Variants in ADAMTS17 observed in about 807,000 individuals in gnomAD.
ADAMTS17 encodes the protein A disintegrin and metalloproteinase with thrombospondin motifs 17.
Under a neutral mutation model 141.5 loss-of-function variants are expected in ADAMTS17, and 113 were observed. The observed-to-expected ratio is 0.80, with a 90% CI of 0.69 to 0.93. ADAMTS17 has a LOEUF of 0.93. Among genes scored for constraint, ADAMTS17 ranks in the 40% least tolerant of loss-of-function variants. ADAMTS17 has a pLI of 0.00. For missense variants in ADAMTS17, 1,659 were observed against 1,517.9 expected, an observed-to-expected ratio of 1.09 and a Z score of -1.54; for synonymous variants, 768 against 630.6, an observed-to-expected ratio of 1.22 and a Z score of -3.27.
intron 3 of ADAMTS17, among the ~76,000 whole-genome samples, chr15:100,289,506 T>A (rs1323857972): frequency 6.6e-6 from 1 of 151,504 alleles, no homozygotes; most frequent in Non-Finnish European, 1.5e-5. Flanking sequence ...ATCATTCTGA[T>A]GCCAAAACCT....
At chr15:100,247,930 G>T (rs1036215124) in intron 7 of ADAMTS17, among the ~76,000 whole-genome samples, 1 of 152,136 alleles carries the variant, frequency 6.6e-6, no homozygotes, top group South Asian at 2.1e-4. Context: ...ACACCGGAAG[G>T]GCAGTGGGCA....
At chr15:100,261,938 T>A (rs1400713451) in intron 5 of ADAMTS17, among the ~76,000 whole-genome samples, 1 of 152,158 alleles carries the variant, frequency 6.6e-6, no homozygotes, top group African/African-American at 2.4e-5. Context: ...TGGTGGTGGC[T>A]TGACCCGGCA....
intron 14 of ADAMTS17, among the ~76,000 whole-genome samples, chr15:100,104,644 C>T (rs1275139468): frequency 1.3e-5 from 2 of 152,152 alleles, no homozygotes; most frequent in Admixed American, 6.5e-5. Flanking sequence ...AGGCAAACCA[C>T]GGCAATATTT....
chr15:100,024,344 C>T (rs1003837536), intron 18 of ADAMTS17, among the ~76,000 whole-genome samples: 2 of 152,242 alleles, frequency 1.3e-5, no homozygotes, highest in African/African-American at 4.8e-5. Flanking sequence ...AGTCCTCCCA[C>T]CTTGGCCTCC....
At chr15:100,205,656 T>C (rs2041515169) in intron 7 of ADAMTS17, among the ~76,000 whole-genome samples, 1 of 152,120 alleles carries the variant, frequency 6.6e-6, no homozygotes, top group South Asian at 2.1e-4. Flanking sequence ...CCTCAGGACA[T>C]CAGAGGAGCC....
Position 100,117,011 on chromosome 15 carries a change from G to A in ADAMTS17, c.1724C>T (p.Pro575Leu). ...FRQRKCDNPP[P>L]GPGGTHCPGA... The stretch of plus-strand genomic sequence containing the variant: ...CGGGCAGTGTGTGCCTCCAGGCCCA[G>A]GGCTAGAAGGAAGAAGAAGGTCTGT... The change falls in exon 13 of 22, where the codon CCT becomes CTT. Residue 575 changes from proline to leucine, a missense_variant and splice_region_variant. Coordinates refer to ENST00000268070, the MANE Select transcript of ADAMTS17 (RefSeq NM_139057.4). 1 of 1,608,250 alleles carries A rather than the reference G, an allele frequency of 6.2e-7. No individual in the cohort carries two copies.
chr15:100,200,220 G>A (rs914196547), intron 7 of ADAMTS17, among the ~76,000 whole-genome samples: 3 of 152,208 alleles, frequency 2.0e-5, no homozygotes, highest in East Asian at 1.9e-4. Flanking sequence ...AGTGGAGGCC[G>A]CATCCCAAGG....
rs144264617 is a variant in ADAMTS17 at position 99,993,822 on chromosome 15, C to A, written c.2797-622G>T. Among the ~76,000 whole-genome samples, 3 of 152,190 alleles carry A rather than the reference C, an allele frequency of 2.0e-5. No homozygotes were observed. Among genetic ancestry groups the A allele is most frequent in the African/African-American group, 4.8e-5 (2 of 41,508 alleles). ...CCAAGAATGGTGACAGACGCATGGCCCCTGTGGTAGTTTACTTACTTGCAG... is the reference window on the plus strand; with the variant it reads ...CCAAGAATGGTGACAGACGCATGGCACCTGTGGTAGTTTACTTACTTGCAG... On this transcript the variant is annotated intron_variant, in intron 19 of 21. Transcript: ENST00000268070. This position sits in a 1 kb window ranked among gnomAD's most constrained non-coding sequence, Gnocchi z 4.3.
At chr15:100,063,769 C>T (rs549887978) in intron 15 of ADAMTS17, 5 of 1,289,806 alleles carry the variant, frequency 3.9e-6, no homozygotes, top group Non-Finnish European at 5.1e-6. Flanking sequence ...CCTGTAGCAA[C>T]AAACGACACA....
chr15:100,096,430 C>T lies in ADAMTS17; in HGVS notation c.2063G>A (p.Arg688Lys). 3.1e-6 allele frequency: 5 copies of T among 1,614,214 alleles called. No individual in the cohort carries two copies. Among genetic ancestry groups the T allele is most frequent in the Non-Finnish European group, 4.2e-6 (5 of 1,180,046 alleles). ...GCCGTCCCCGCTGCAGACCCCGCAT[C>T]TGTCCTCTTTGGCTGCAGACCCGAT... Reference protein sequence around the residue: ...GIIGSAAKEDRCGVCSGDGKT... With the variant: ...GIIGSAAKEDKCGVCSGDGKT... The change falls in exon 15 of 22, where the codon AGA (arginine) becomes AAA (lysine). Residue 688 changes from arginine to lysine, a missense_variant. Coordinates refer to ENST00000268070, the MANE Select transcript of ADAMTS17 (RefSeq NM_139057.4).
intron 5 of ADAMTS17, 121 bp from the exon 6 acceptor site, chr15:100,261,757 C>T: frequency 8.4e-7 from 1 of 1,185,306 alleles, no homozygotes; most frequent in South Asian, 1.3e-5. Context: ...TTTGATGACT[C>T]ACGGCCCTCG....
rs189876411 is a variant in ADAMTS17, at chr15:100,055,404, C to G, written c.2138-1350G>C. The stretch of plus-strand genomic sequence containing the variant: ...CAGAGGGTCGCTGGGTAGTCACTGG[C>G]CTCAGTTCTTGTCTCCAGGACATTA... On this transcript the variant is annotated intron_variant, in intron 15 of 21. Coordinates refer to ENST00000268070, the MANE Select transcript of ADAMTS17 (RefSeq NM_139057.4). Among the ~76,000 whole-genome samples the G allele has an allele frequency of 3.9e-5, 6 of 152,318 alleles. No homozygotes were observed. In the East Asian group the frequency reaches 1.2e-3, roughly 29 times the overall value.
At chr15:99,983,668 C>T (rs977388591) in intron 20 of ADAMTS17, among the ~76,000 whole-genome samples, 6 of 152,220 alleles carry the variant, frequency 3.9e-5, no homozygotes, top group African/African-American at 1.2e-4. Flanking sequence ...CAGGGCTGCC[C>T]CCCACTGTCT....
chr15:100,287,098 G>C (rs1016132411), intron 3 of ADAMTS17, among the ~76,000 whole-genome samples: 1 of 152,134 alleles, frequency 6.6e-6, no homozygotes, highest in East Asian at 1.9e-4. Flanking sequence ...TGAGGTGGGA[G>C]AATCACTTGA....
At chr15:100,055,460 C>T (rs1052166628) in intron 15 of ADAMTS17, among the ~76,000 whole-genome samples, 2 of 152,160 alleles carry the variant, frequency 1.3e-5, no homozygotes, top group African/African-American at 4.8e-5. Flanking sequence ...GGCAAACACA[C>T]AGACGCAGGC....
At chr15:100,080,171 C>T (rs2034638208) in intron 15 of ADAMTS17, among the ~76,000 whole-genome samples, 1 of 152,190 alleles carries the variant, frequency 6.6e-6, no homozygotes, top group Admixed American at 6.5e-5. Flanking sequence ...GTTCCCCCGA[C>T]ATTACATTCT....
At chr15:100,270,206 T>C (rs1403953108) in intron 4 of ADAMTS17, among the ~76,000 whole-genome samples, 1 of 149,826 alleles carries the variant, frequency 6.7e-6, no homozygotes, top group East Asian at 2.0e-4. Flanking sequence ...TCTGGAGCCA[T>C]TTCTTCAATA....
chr15:99,976,853 T>A (rs1222435830), intron 20 of ADAMTS17, among the ~76,000 whole-genome samples: 1 of 152,170 alleles, frequency 6.6e-6, no homozygotes, highest in African/African-American at 2.4e-5. Context: ...CAGGGGAGAC[T>A]AAGATGTTAA....
chr15:100,006,553 T>C (rs1006369403), intron 18 of ADAMTS17, among the ~76,000 whole-genome samples: 4 of 152,166 alleles, frequency 2.6e-5, no homozygotes, highest in African/African-American at 9.7e-5. Context: ...GAGAGAGCCC[T>C]GGTAGGTCGT....
Sources: gnomAD v4.1 joint callset for allele counts (sites outside exome capture counted in the v4.1 genomes callset) on GRCh38, gnomAD v4.1.1 for gene constraint, Gnocchi (gnomAD v3.1) non-coding constraint, MANE v1.5 for transcripts, NCBI Gene and HGNC (gene_info 2026-07-23, HGNC 2026-07-21) for gene names.